HHLA2: variants seen among roughly 807,000 people sequenced by gnomAD.
HHLA2 encodes the protein HHLA2 member of B7 family.
Under a neutral mutation model 45.9 loss-of-function variants are expected in HHLA2, and 48 were observed. That is an observed-to-expected ratio of 1.05 (90% CI 0.83 to 1.33). HHLA2 has a LOEUF of 1.33. HHLA2 is among the 40% of genes most tolerant of loss of function. HHLA2 has a pLI of 0.00. For missense variants in HHLA2, 462 were observed against 494.3 expected, an observed-to-expected ratio of 0.93 and a Z score of 0.62; for synonymous variants, 161 against 173.9, an observed-to-expected ratio of 0.93 and a Z score of 0.59.
chr3:108,354,862 T>C (rs1015483166), intron 5 of HHLA2, among the ~76,000 whole-genome samples: 2 of 152,220 alleles, frequency 1.3e-5, no homozygotes, highest in African/African-American at 2.4e-5. Context: ...GCTATGTTTC[T>C]AGAAAATTGA....
At chr3:108,324,510 C>G (rs2081256307) in intron 2 of HHLA2, among the ~76,000 whole-genome samples, 1 of 152,156 alleles carries the variant, frequency 6.6e-6, no homozygotes, top group African/African-American at 2.4e-5. Flanking sequence ...CCTGGTTTGC[C>G]AGGCAATCAA....
intron 1 of HHLA2, among the ~76,000 whole-genome samples, chr3:108,309,348 A>G (rs1279419410): frequency 2.0e-5 from 3 of 149,454 alleles, no homozygotes; most frequent in Non-Finnish European, 3.0e-5. Context: ...TGGGTTTTCT[A>G]TTCTGTTCCA....
intron 8 of HHLA2, among the ~76,000 whole-genome samples, chr3:108,363,989 CTTTCTT>C (rs964323879): frequency 4.2e-5 from 6 of 144,070 alleles, no homozygotes; most frequent in African/African-American, 1.1e-4. Flanking sequence ...TTTTTTTTTT[CTTTCTT>C]TTTAAGTTCT....
rs997630236 is a variant in HHLA2 at position 108,358,246 on chromosome 3, T to C, written c.1003+85T>C. 11 of 939,272 alleles carry C rather than the reference T, an allele frequency of 1.2e-5. No individual in the cohort carries two copies. In the African/African-American group the frequency reaches 1.5e-4, roughly 13 times the overall value. 58.2% of individuals were successfully genotyped at this position (939,272 alleles called of 1,614,324 possible). A position where few individuals can be genotyped will look rare whatever the true frequency, so the allele number is the denominator to read the frequency against. On this transcript the variant is annotated intron_variant, in intron 7 of 10. Coordinates refer to ENST00000619531, the Ensembl canonical transcript of HHLA2. ...ATCAAAGAGAAAATTAGGTTGACTTTTCAAGAATACATTGATACCCTCTCA... is the reference window on the plus strand; with the variant it reads ...ATCAAAGAGAAAATTAGGTTGACTTCTCAAGAATACATTGATACCCTCTCA...
chr3:108,348,660 T>TA (rs1274907064), intron 3 of HHLA2, among the ~76,000 whole-genome samples: 10 of 151,534 alleles, frequency 6.6e-5, no homozygotes, highest in African/African-American at 2.2e-4. Context: ...TTTTTTTTTT[T>TA]AATTATACTT....
At chr3:108,358,311 T>C (rs1430731600) in intron 7 of HHLA2, 150 bp downstream of exon 6, 4 of 588,838 alleles carry the variant, frequency 6.8e-6, no homozygotes, top group Middle Eastern at 4.5e-4. Context: ...AGGATGTCGA[T>C]TACCCTCCCT....
intron 3 of HHLA2, among the ~76,000 whole-genome samples, chr3:108,344,186 C>G (rs1179803736): frequency 1.9e-5 from 2 of 104,824 alleles, no homozygotes; most frequent in African/African-American, 3.3e-5. Context: ...TATGGTGCCA[C>G]TGTTTGATTT....
intron 3 of HHLA2, among the ~76,000 whole-genome samples, chr3:108,336,094 C>A (rs2081467827): frequency 1.3e-5 from 2 of 151,950 alleles, no homozygotes; most frequent in African/African-American, 4.8e-5. Flanking sequence ...TCTTGTTATC[C>A]CACCCAAATT....
At chr3:108,323,142 T>G in intron 2 of HHLA2, among the ~76,000 whole-genome samples, 1 of 125,504 alleles carries the variant, frequency 8.0e-6, no homozygotes, top group South Asian at 3.0e-4. Flanking sequence ...GGGGGGTCTG[T>G]GGTTGGGGGG....
chr3:108,330,895 T>C (rs113400012), intron 3 of HHLA2, among the ~76,000 whole-genome samples: 2,199 of 152,236 alleles, frequency 0.014, 51 homozygotes, highest in African/African-American at 0.05. Context: ...TATAAACATA[T>C]ATAATGCCTG....
intron 2 of HHLA2, chr3:108,325,835 C>T (rs2081278814): frequency 5.6e-6 from 2 of 355,142 alleles, no homozygotes; most frequent in Admixed American, 6.5e-5. Flanking sequence ...AAAACTACCT[C>T]CACGACCACC....
intron 8 of HHLA2, among the ~76,000 whole-genome samples, chr3:108,375,280 G>A (rs2082251680): frequency 6.8e-6 from 1 of 147,712 alleles, no homozygotes; most frequent in Admixed American, 6.8e-5. Context: ...ATTGAACAAT[G>A]AGAACACATG....
intron 3 of HHLA2, among the ~76,000 whole-genome samples, chr3:108,340,910 TCCTTCCTTCCTTCCTTCC>T (rs759016311): frequency 1.1e-4 from 8 of 69,954 alleles, no homozygotes; most frequent in Non-Finnish European, 1.9e-4. Flanking sequence ...TTTTTTTTTT[TCCTTCCTTCCTTCCTTCC>T]TTCCTTCCTT....
intron 2 of HHLA2, among the ~76,000 whole-genome samples, chr3:108,325,120 T>C (rs115541670): frequency 0.011 from 1,702 of 152,080 alleles, 26 homozygotes; most frequent in African/African-American, 0.039. Flanking sequence ...GTTTAAAATT[T>C]ATATATTTAA....
intron 1 of HHLA2, among the ~76,000 whole-genome samples, chr3:108,297,942 A>C (rs563182228): frequency 2.4e-4 from 36 of 152,302 alleles, no homozygotes; most frequent in African/African-American, 7.5e-4. Context: ...TTGTCATGTC[A>C]ACTCTAAATT....
intron 6 of HHLA2, among the ~76,000 whole-genome samples, chr3:108,356,300 G>A (rs2081891081): frequency 6.6e-6 from 1 of 152,076 alleles, no homozygotes; most frequent in Non-Finnish European, 1.5e-5. Flanking sequence ...AAAGTGCTAG[G>A]ATTACAGGCG....
intron 2 of HHLA2, among the ~76,000 whole-genome samples, chr3:108,322,191 G>A (rs1451332168): frequency 2.0e-5 from 3 of 152,168 alleles, no homozygotes; most frequent in Non-Finnish European, 4.4e-5. Flanking sequence ...CTAAGAGCTC[G>A]GACTGTGGGC....
At chr3:108,374,060 G>A (rs2082229005) in intron 8 of HHLA2, among the ~76,000 whole-genome samples, 1 of 151,060 alleles carries the variant, frequency 6.6e-6, no homozygotes, top group African/African-American at 2.4e-5. Flanking sequence ...GAGGCATCAT[G>A]CTACCTGACT....
At chr3:108,361,549 C>T (rs540985892) in intron 7 of HHLA2, among the ~76,000 whole-genome samples, 1 of 152,244 alleles carries the variant, frequency 6.6e-6, no homozygotes, top group South Asian at 2.1e-4. Flanking sequence ...TAAGGGAAAG[C>T]TCTCAAGAGG....
Sources: allele counts gnomAD v4.1 joint callset (sites outside exome capture counted in the v4.1 genomes callset), GRCh38; gene constraint gnomAD v4.1.1; transcripts MANE v1.5; gene names NCBI Gene and HGNC (gene_info 2026-07-23, HGNC 2026-07-21).